LRRC61: variants seen among roughly 807,000 people sequenced by gnomAD.
The protein encoded by LRRC61 is leucine-rich repeat-containing protein 61.
Under a neutral mutation model 15.1 loss-of-function variants are expected in LRRC61, and 9 were observed. That is an observed-to-expected ratio of 0.60 (90% CI 0.36 to 1.04). The LOEUF is 1.04. LRRC61 is among the 50% of genes least tolerant of loss of function. The probability of loss-of-function intolerance (pLI) is 0.01; values close to 1 mark genes in which losing one functional copy is unlikely to be tolerated. For missense variants in LRRC61, 344 were observed against 335.6 expected, an observed-to-expected ratio of 1.03 and a Z score of -0.20; for synonymous variants, 173 against 158.6, an observed-to-expected ratio of 1.09 and a Z score of -0.68.
Position 150,335,964 on chromosome 7 carries a change from C to T in LRRC61, c.-144-754C>T, listed in dbSNP as rs1798274117. Among the ~76,000 whole-genome samples, 1 of 152,212 alleles carries T rather than the reference C, an allele frequency of 6.6e-6. No individual in the cohort carries two copies. Among genetic ancestry groups the T allele is most frequent in the African/African-American group, 2.4e-5 (1 of 41,440 alleles). ...GTCTTTGCAGCTGGCACCGTGCTGT[C>T]TGGCACGTATATCAGTGCTGTTCCA... On this transcript the variant is annotated intron_variant, in intron 2 of 2. Coordinates refer to ENST00000359623, the MANE Select transcript of LRRC61 (RefSeq NM_001142928.2). The surrounding 1 kb of genome is among the most constrained non-coding windows in gnomAD (Gnocchi z 4.3).
rs772020612 is a variant in LRRC61 at position 150,337,602 on chromosome 7, A to G, written c.741A>G (p.Val247=). The G allele has an allele frequency of 3.9e-5, 61 of 1,553,470 alleles. 1 individual carries two copies. The South Asian group carries it at 7.4e-4, about 19-fold the overall frequency. ...ACAGCCTGGCCCAGGCGGAGCAGGT[A>G]CTCAGCTCTGCGGGCCCCACCTCTT... The part of the protein sequence containing the change: ...ASDSLAQAEQ[V]LSSAGPTSSF... Residue 247 remains valine (V), a synonymous_variant, in exon 3 of 3, where the codon GTA becomes GTG. Transcript: ENST00000359623.
At chr7:150,310,658 T>G in the LRRC61 span, among the ~76,000 whole-genome samples, 1 of 152,106 alleles carries the variant, frequency 6.6e-6, no homozygotes, top group African/African-American at 2.4e-5. Flanking sequence ...CACCTTTACC[T>G]GAACTGACCC....
Position 150,325,857 on chromosome 7 carries a change from G to C in LRRC61, c.-298G>C, listed in dbSNP as rs1797948951. 1.3e-5 allele frequency: 2 copies of C among 152,618 alleles called. No homozygotes were observed. Among genetic ancestry groups the C allele is most frequent in the South Asian group, 4.1e-4 (2 of 4,826 alleles). The allele number at this position is 152,618 out of a possible 1,614,324, so 9.5% of individuals were successfully genotyped here. A position where few individuals can be genotyped will look rare whatever the true frequency, so the allele number is the denominator to read the frequency against. ...ACGTTTTAGATTCATTTGGATTCAA[G>C]GTTGGCTCTCAACAGTGCCAGCTGC... On this transcript the variant is annotated 5_prime_UTR_variant, in exon 2 of 3. Coordinates refer to ENST00000359623, the MANE Select transcript of LRRC61 (RefSeq NM_001142928.2).
intron 2 of LRRC61, among the ~76,000 whole-genome samples, chr7:150,332,974 G>A (rs1798159645): frequency 6.6e-6 from 1 of 152,214 alleles, no homozygotes; most frequent in East Asian, 1.9e-4. Context: ...ACATGTCGGG[G>A]CGGGGAGGAT....
chr7:150,314,231 G>A, the LRRC61 span, among the ~76,000 whole-genome samples: 1 of 152,210 alleles, frequency 6.6e-6, no homozygotes, highest in Non-Finnish European at 1.5e-5. Context: ...GACTTTATGT[G>A]ACCAGTTTTG....
At chr7:150,318,605 T>A (rs973767883), upstream of LRRC61, among the ~76,000 whole-genome samples, 31 of 151,902 alleles carry the variant, frequency 2.0e-4, no homozygotes, top group African/African-American at 5.3e-4. Context: ...GTACTAAAAA[T>A]ACAAAAATTA....
chr7:150,311,513 G>A, the LRRC61 span, among the ~76,000 whole-genome samples: 1 of 152,074 alleles, frequency 6.6e-6, no homozygotes, highest in Non-Finnish European at 1.5e-5. Flanking sequence ...GACTCCTCCA[G>A]CTCTATTCAC....
At chr7:150,320,857 G>A (rs1797441137), upstream of LRRC61, among the ~76,000 whole-genome samples, 1 of 152,214 alleles carries the variant, frequency 6.6e-6, no homozygotes, top group African/African-American at 2.4e-5. Context: ...TCCTGGGAAT[G>A]CAACCCAGCA....
At chr7:150,334,113 G>A in intron 2 of LRRC61, 1 of 985,340 alleles carries the variant, frequency 1.0e-6, no homozygotes. Flanking sequence ...ACAGTTGCCT[G>A]CCTCTGTCTG....
chr7:150,324,435 G>A (rs1317317158), intron 1 of LRRC61: 2 of 152,316 alleles, frequency 1.3e-5, no homozygotes, highest in Non-Finnish European at 2.9e-5. Context: ...GCAGCGAGAA[G>A]AATAGGTCTA....
chr7:150,337,137 A>G lies in LRRC61; in HGVS notation c.276A>G (p.Pro92=), dbSNP rs1359932276. 3 of 1,611,780 alleles carry G rather than the reference A, an allele frequency of 1.9e-6. No homozygotes were observed. Among genetic ancestry groups the G allele is most frequent in the African/African-American group, 1.3e-5 (1 of 74,938 alleles). The change falls in exon 3 of 3, where the codon CCA becomes CCG. Residue 92 remains proline (P), a synonymous_variant. Coordinates refer to ENST00000359623, the MANE Select transcript of LRRC61 (RefSeq NM_001142928.2). ...ACAATCGGCTGACGGGCCTGGAGCC[A>G]CTGGCCACCTGTGAGAACTTGCAGA... ...VSNNRLTGLE[P]LATCENLQSL...
the LRRC61 span, among the ~76,000 whole-genome samples, chr7:150,312,460 G>A: frequency 1.6e-4 from 25 of 152,188 alleles, no homozygotes; most frequent in African/African-American, 5.3e-4. Flanking sequence ...AGACAATGGG[G>A]ACAAAAAGCT....
chr7:150,329,627 G>A (rs1387222241), intron 2 of LRRC61, among the ~76,000 whole-genome samples: 1 of 152,224 alleles, frequency 6.6e-6, no homozygotes, highest in Non-Finnish European at 1.5e-5. Context: ...GAAGGTAGTG[G>A]CTGTGGGTTG....
At position 150,337,985 on chromosome 7, in the gene LRRC61, C is replaced by T; in HGVS notation, c.*344C>T. 2.4e-6 allele frequency: 1 copy of T among 422,684 alleles called. No individual in the cohort carries two copies. The highest frequency in any genetic ancestry group is 4.5e-6 in the Non-Finnish European group (1 of 221,824). 26.2% of individuals were successfully genotyped at this position (422,684 alleles called of 1,614,324 possible). ...GGGATGGGCCAGCCTCCCGTCTCAG[C>T]TGTTGGGAGACAGTAGGCAGGCTGA... On this transcript the variant is annotated 3_prime_UTR_variant, in exon 3 of 3. Coordinates refer to ENST00000359623, the MANE Select transcript of LRRC61 (RefSeq NM_001142928.2).
At chr7:150,311,700 T>C in the LRRC61 span, among the ~76,000 whole-genome samples, 2 of 152,156 alleles carry the variant, frequency 1.3e-5, no homozygotes, top group African/African-American at 4.8e-5. Flanking sequence ...CCACACTTAG[T>C]TTATTGATGG....
the LRRC61 span, among the ~76,000 whole-genome samples, chr7:150,315,215 GACT>G: frequency 6.6e-6 from 1 of 151,360 alleles, no homozygotes; most frequent in Non-Finnish European, 1.5e-5. Context: ...AAAAAGCAAT[GACT>G]ATAAAAGACT....
intron 2 of LRRC61, chr7:150,331,648 G>A (rs1186832373): frequency 3.6e-5 from 6 of 168,044 alleles, no homozygotes. Context: ...TGGGTATGAA[G>A]GTCCTTGCAT....
chr7:150,334,517 C>T (rs1188205102), intron 2 of LRRC61, among the ~76,000 whole-genome samples: 3 of 152,190 alleles, frequency 2.0e-5, no homozygotes, highest in Non-Finnish European at 4.4e-5. Context: ...TCTTAGAGAG[C>T]TCTGTATCCC....
At chr7:150,314,145 T>C in the LRRC61 span, among the ~76,000 whole-genome samples, 3 of 152,164 alleles carry the variant, frequency 2.0e-5, no homozygotes, top group Admixed American at 2.0e-4. Flanking sequence ...TGGGGCTGTA[T>C]ACGTGTCTCC....
Sources: allele counts gnomAD v4.1 joint callset (sites outside exome capture counted in the v4.1 genomes callset), GRCh38; gene constraint gnomAD v4.1.1; non-coding constraint Gnocchi (gnomAD v3.1); transcripts MANE v1.5; gene names NCBI Gene and HGNC (gene_info 2026-07-23, HGNC 2026-07-21).